Variants in PIK3CA observed in about 807,000 individuals in gnomAD.
PIK3CA encodes the protein phosphatidylinositol 4,5-bisphosphate 3-kinase catalytic subunit alpha isoform.
A neutral mutation model predicts 138.2 loss-of-function variants in PIK3CA; 27 were observed. The observed-to-expected ratio is 0.20, with a 90% CI of 0.14 to 0.27. The LOEUF (loss-of-function observed/expected upper bound fraction) is 0.27. Ranked by LOEUF, PIK3CA falls within the 10% of genes least tolerant of loss-of-function variation. PIK3CA has a pLI of 1.00. For synonymous variants in PIK3CA, 358 were observed against 413.2 expected (o/e 0.87, Z 1.62); for missense variants, 544 against 1,277.4 (o/e 0.43, Z 8.75).
At chr3:179,224,229 C>T (rs1445912076) in intron 15 of PIK3CA, 42 bp downstream of exon 15, 2 of 943,818 alleles carry the variant, frequency 2.1e-6, no homozygotes, top group Non-Finnish European at 3.3e-6. Context: ...AAATAAATAC[C>T]TTTTCTGGAT....
intron 18 of PIK3CA, among the ~76,000 whole-genome samples, chr3:179,229,718 A>T (rs1267493291): frequency 1.3e-5 from 2 of 152,214 alleles, no homozygotes; most frequent in African/African-American, 4.8e-5. Context: ...CACATTCAAA[A>T]TTTTATTTCT....
intron 1 of PIK3CA, among the ~76,000 whole-genome samples, chr3:179,151,158 G>A (rs1450678009): frequency 6.6e-6 from 1 of 152,142 alleles, no homozygotes; most frequent in Admixed American, 6.5e-5. Context: ...CATTTTATTA[G>A]CACAGTTATC....
chr3:179,162,759 G>T (rs1372056297), intron 1 of PIK3CA, among the ~76,000 whole-genome samples: 1 of 151,946 alleles, frequency 6.6e-6, no homozygotes, highest in Non-Finnish European at 1.5e-5. Context: ...GATGTTGGAG[G>T]TTACAGGGAA....
chr3:179,198,704 CT>C, intron 1 of PIK3CA, 45 bp from the exon 2 acceptor site: 1 of 550,328 alleles, frequency 1.8e-6, no homozygotes, highest in East Asian at 3.0e-5. Flanking sequence ...ATGTATTCTT[CT>C]GTAGTTGTGT....
At chr3:179,229,695 C>T (rs1725169188) in intron 18 of PIK3CA, among the ~76,000 whole-genome samples, 1 of 152,002 alleles carries the variant, frequency 6.6e-6, no homozygotes, top group Non-Finnish European at 1.5e-5. Flanking sequence ...CTTTTTAAAA[C>T]AAATGAATAT....
intron 18 of PIK3CA, 52 bp from the exon 19 acceptor site, chr3:179,229,952 G>T (rs1323422615): frequency 8.7e-7 from 1 of 1,148,940 alleles, no homozygotes; most frequent in Non-Finnish European, 1.3e-6. Context: ...TTCTCAAGTT[G>T]GCCTGAATCA....
chr3:179,207,333 A>G (rs1724588984), intron 6 of PIK3CA, among the ~76,000 whole-genome samples: 1 of 152,138 alleles, frequency 6.6e-6, no homozygotes, highest in Admixed American at 6.5e-5. Flanking sequence ...GAGCATGTGT[A>G]TATGTGTGTG....
intron 1 of PIK3CA, among the ~76,000 whole-genome samples, chr3:179,169,533 G>A (rs559495257): frequency 9.9e-5 from 15 of 151,936 alleles, no homozygotes; most frequent in African/African-American, 2.9e-4. Context: ...TTCAGTTCAC[G>A]TGACTAATCA....
chr3:179,205,020 C>CAAAAAA (rs574908621), intron 6 of PIK3CA, among the ~76,000 whole-genome samples: 3 of 53,378 alleles, frequency 5.6e-5, no homozygotes, highest in Non-Finnish European at 1.0e-4. Flanking sequence ...GACTCCGTCT[C>CAAAAAA]AAAAAAAAAA....
intron 1 of PIK3CA, among the ~76,000 whole-genome samples, chr3:179,173,404 CAA>C (rs749831764): frequency 0.025 from 1,058 of 43,094 alleles, 7 homozygotes; most frequent in Non-Finnish European, 0.039. Flanking sequence ...GCTAAAAATA[CAA>C]AAAAAAAAAA....
At chr3:179,228,422 T>G (rs1483800756) in intron 17 of PIK3CA, among the ~76,000 whole-genome samples, 1 of 152,094 alleles carries the variant, frequency 6.6e-6, no homozygotes, top group Non-Finnish European at 1.5e-5. Flanking sequence ...AAAAGTTTAT[T>G]GATACAGTTT....
At chr3:179,191,137 C>T (rs371503377) in intron 1 of PIK3CA, among the ~76,000 whole-genome samples, 1 of 152,140 alleles carries the variant, frequency 6.6e-6, no homozygotes, top group African/African-American at 2.4e-5. Context: ...GCCCTTTCTT[C>T]ACTTGAGGAG....
At chr3:179,173,175 A>G (rs978355101) in intron 1 of PIK3CA, among the ~76,000 whole-genome samples, 1 of 152,048 alleles carries the variant, frequency 6.6e-6, no homozygotes, top group Non-Finnish European at 1.5e-5. Flanking sequence ...ATAAAAACAC[A>G]TAAATAAACT....
chr3:179,230,446 T>C lies in PIK3CA; in HGVS notation c.2936+70T>C, dbSNP rs1339624206. The C allele has an allele frequency of 7.7e-7, 1 of 1,296,900 alleles. No individual in the cohort carries two copies. Among genetic ancestry groups the C allele is most frequent in the African/African-American group, 1.5e-5 (1 of 66,758 alleles). The allele number at this position is 1,296,900 out of a possible 1,614,324, so 80.3% of individuals were successfully genotyped here. A position where few individuals can be genotyped will look rare whatever the true frequency, so the allele number is the denominator to read the frequency against. ...CTCTATTAGAAACAATCAATATTTT[T>C]CAAGCAATTTCAAAATAATAAATGT... On this transcript the variant is annotated intron_variant, in intron 20 of 20. Coordinates refer to ENST00000263967, the MANE Select transcript of PIK3CA (RefSeq NM_006218.4). The surrounding 1 kb of genome is among the most constrained non-coding windows in gnomAD (Gnocchi z 5.4).
intron 14 of PIK3CA, among the ~76,000 whole-genome samples, chr3:179,222,493 C>G (rs1228332396): frequency 6.6e-6 from 1 of 152,166 alleles, no homozygotes; most frequent in Admixed American, 6.5e-5. Context: ...AGATGTTCCT[C>G]AACTTATAAC....
intron 9 of PIK3CA, among the ~76,000 whole-genome samples, chr3:179,216,240 T>G (rs1443446474): frequency 6.6e-6 from 1 of 152,160 alleles, no homozygotes; most frequent in Non-Finnish European, 1.5e-5. Flanking sequence ...AAAAGGAAAT[T>G]TGATAGTATT....
intron 3 of PIK3CA, 100 bp downstream of exon 3, chr3:179,199,999 G>A (rs1167953117): frequency 2.0e-5 from 14 of 688,358 alleles, no homozygotes; most frequent in East Asian, 2.6e-5. Flanking sequence ...CAGCTAGATA[G>A]TAAGCTTCTT....
intron 17 of PIK3CA, among the ~76,000 whole-genome samples, chr3:179,228,504 A>G (rs895112501): frequency 1.3e-5 from 2 of 152,090 alleles, no homozygotes. Context: ...AAATATCACA[A>G]TTATCTGAAA....
chr3:179,184,012 G>A (rs1431539055), intron 1 of PIK3CA, among the ~76,000 whole-genome samples: 1 of 152,154 alleles, frequency 6.6e-6, no homozygotes, highest in Non-Finnish European at 1.5e-5. Flanking sequence ...GAAGATTATT[G>A]GCTAGTGCCT....
Sources: gnomAD v4.1 joint callset for allele counts (sites outside exome capture counted in the v4.1 genomes callset) on GRCh38, gnomAD v4.1.1 for gene constraint, Gnocchi (gnomAD v3.1) non-coding constraint, MANE v1.5 for transcripts, NCBI Gene and HGNC (gene_info 2026-07-23, HGNC 2026-07-21) for gene names.